ZNF215: variants seen among roughly 807,000 people sequenced by gnomAD.
The protein encoded by ZNF215 is zinc finger protein 215, also known as BWSCR2-associated zinc finger protein 2.
In ZNF215, 24 loss-of-function variants were observed where a neutral mutation model predicts 27.2. The observed-to-expected ratio is 0.88, with a 90% CI of 0.64 to 1.24. The LOEUF is 1.24. ZNF215 is among the 50% of genes most tolerant of loss of function. The pLI is 0.00. For missense variants in ZNF215, 675 were observed against 605.7 expected (o/e 1.11, Z -1.20); for synonymous variants, 210 against 204.0 (o/e 1.03, Z -0.25).
At chr11:6,968,146 A>G (rs146603849) in intron 5 of ZNF215, among the ~76,000 whole-genome samples, 13,992 of 152,016 alleles carry the variant, frequency 0.092, 699 homozygotes, top group East Asian at 0.15. Flanking sequence ...TGGTCTATAT[A>G]TCTGTTTTGG....
intron 6 of ZNF215, 29 bp from the exon 7 acceptor site, chr11:6,955,661 A>C (rs779818727): frequency 1.3e-6 from 2 of 1,525,464 alleles, no homozygotes. Flanking sequence ...TTTCCCTTCT[A>C]GTTCATGGCA....
chr11:6,950,729 TCTC>T (rs1850021176), intron 6 of ZNF215, among the ~76,000 whole-genome samples: 1 of 150,566 alleles, frequency 6.6e-6, no homozygotes, highest in South Asian at 2.1e-4. Context: ...TTTATTTCCT[TCTC>T]CTGCCTGATT....
At chr11:6,969,972 G>A (rs1200478069) in intron 5 of ZNF215, among the ~76,000 whole-genome samples, 1 of 152,020 alleles carries the variant, frequency 6.6e-6, no homozygotes. Context: ...AGTAGAGATG[G>A]GGTTTCACCA....
At chr11:6,945,989 A>G (rs185632043) in intron 6 of ZNF215, among the ~76,000 whole-genome samples, 27 of 152,080 alleles carry the variant, frequency 1.8e-4, no homozygotes, top group African/African-American at 5.5e-4. Context: ...CTACTCTTCT[A>G]TTATTCCCTG....
chr11:6,984,351 C>T (rs1367199725), exon 6 of ZNF215: 13 of 186,132 alleles, frequency 7.0e-5, no homozygotes, highest in Admixed American at 2.5e-4. Flanking sequence ...TCAAGTGATC[C>T]GCCCACCTCA....
At chr11:6,949,814 A>G (rs1317965325) in intron 6 of ZNF215, among the ~76,000 whole-genome samples, 3 of 152,190 alleles carry the variant, frequency 2.0e-5, no homozygotes, top group Non-Finnish European at 4.4e-5. Flanking sequence ...GCCCACGCCT[A>G]TGTCCTGAAT....
chr11:6,943,689 T>G, intron 6 of ZNF215, 48 bp downstream of exon 6: 1 of 1,417,704 alleles, frequency 7.1e-7, no homozygotes, highest in Non-Finnish European at 9.9e-7. Flanking sequence ...TTCTGTTTCC[T>G]AAACATACAG....
chr11:6,932,485 GCT>G lies in ZNF215; in HGVS notation c.216_217del (p.Cys73SerfsTer29). On this transcript the variant is annotated frameshift_variant, in exon 3 of 7. Coordinates refer to ENST00000278319, the MANE Select transcript of ZNF215 (RefSeq NM_013250.4). LOFTEE classifies it high-confidence loss of function. ...PHEALSQLWE[L>X]CLQWLRPEIH... ...ATGAAGCCCTGAGCCAACTCTGGGA[GCT>G]CTGTCTTCAATGGCTGAGACCAGAG... 1 of 1,614,182 alleles carries G rather than the reference GCT, an allele frequency of 6.2e-7. No homozygotes were observed. The highest frequency in any genetic ancestry group is 1.7e-5 in the Admixed American group (1 of 60,016).
chr11:6,980,078 G>T (rs941278895), intron 5 of ZNF215, among the ~76,000 whole-genome samples: 5 of 152,042 alleles, frequency 3.3e-5, no homozygotes, highest in Non-Finnish European at 7.4e-5. Flanking sequence ...GGTGGTTCAG[G>T]ATCATATTAT....
chr11:6,952,414 G>C (rs964831113), intron 6 of ZNF215, among the ~76,000 whole-genome samples: 1 of 152,078 alleles, frequency 6.6e-6, no homozygotes, highest in African/African-American at 2.4e-5. Flanking sequence ...GAATCTGGGT[G>C]CTCCTGTATT....
Position 6,956,394 on chromosome 11 carries a change from C to A in ZNF215, c.1417C>A (p.Arg473=), listed in dbSNP as rs201971317. 12 of 1,613,990 alleles carry A rather than the reference C, an allele frequency of 7.4e-6. No individual in the cohort carries two copies. Among genetic ancestry groups the A allele is most frequent in the African/African-American group, 4.0e-5 (3 of 74,904 alleles). ...QCVNCGKSFN[R]SSSLIRHQMI... ...TGTTAACTGTGGAAAATCCTTCAAC[C>A]GGAGCTCCTCTCTTATTCGACACCA... The change falls in exon 7 of 7, where the codon CGG becomes AGG. Residue 473 remains arginine (R), a synonymous_variant. Transcript: ENST00000278319.
downstream of ZNF215, among the ~76,000 whole-genome samples, chr11:6,993,473 T>C (rs1851140982): frequency 6.6e-6 from 1 of 152,176 alleles, no homozygotes; most frequent in Admixed American, 6.6e-5. Context: ...TTTAGGTACT[T>C]CCTTCTGCTT....
At chr11:6,972,264 A>AT (rs1275106285) in intron 5 of ZNF215, among the ~76,000 whole-genome samples, 3 of 152,084 alleles carry the variant, frequency 2.0e-5, no homozygotes, top group Non-Finnish European at 2.9e-5. Context: ...AAACTACTCA[A>AT]TTTTTTACAA....
rs767896940 is a variant in ZNF215, at chr11:6,954,346, C to T, written c.713-1344C>T. ...CTGTGCCCTGCCCCCAGAGGTGGAG[C>T]CTACAGAGGCACGAAGGCCTCCTTG... On this transcript the variant is annotated intron_variant, in intron 6 of 6. Coordinates refer to ENST00000278319, the MANE Select transcript of ZNF215 (RefSeq NM_013250.4). Among the ~76,000 whole-genome samples the T allele has an allele frequency of 2.1e-3, 313 of 152,352 alleles. 2 individuals are homozygous for T. Among genetic ancestry groups the T allele is most frequent in the Non-Finnish European group, 2.8e-3 (191 of 68,038 alleles).
intron 6 of ZNF215, among the ~76,000 whole-genome samples, chr11:6,951,570 G>A (rs377092959): frequency 3.3e-5 from 5 of 152,214 alleles, no homozygotes; most frequent in South Asian, 2.1e-4. Flanking sequence ...CTGTGGGATC[G>A]GTGGTGATAT....
At chr11:6,984,639 C>T (rs535338638), downstream of ZNF215, 1 of 152,020 alleles carries the variant, frequency 6.6e-6, no homozygotes, top group Non-Finnish European at 1.5e-5. Flanking sequence ...TGACAATCTG[C>T]CCATGATTTA....
intron 6 of ZNF215, 95 bp downstream of exon 6, chr11:6,943,736 A>T (rs1849717151): frequency 1.0e-6 from 1 of 994,786 alleles, no homozygotes; most frequent in African/African-American, 1.6e-5. Context: ...GTTAGTTGGG[A>T]AGGAGATAGC....
intron 2 of ZNF215, among the ~76,000 whole-genome samples, chr11:6,929,641 A>G (rs1849181091): frequency 6.6e-6 from 1 of 152,230 alleles, no homozygotes. Context: ...GGAAGATCAC[A>G]GAGGCAAAAT....
Position 6,956,561 on chromosome 11 carries a change from T to G in ZNF215, c.*30T>G. On this transcript the variant is annotated 3_prime_UTR_variant, in exon 7 of 7. Transcript: ENST00000278319. ...AGAAAAAATGAAAGATTACCTTCAG[T>G]CAGAATGCAGAACTCATTTAACATC... 6.5e-7 allele frequency: 1 copy of G among 1,530,060 alleles called. No homozygotes were observed. The highest frequency in any genetic ancestry group is 8.7e-7 in the Non-Finnish European group (1 of 1,146,418). 94.8% of individuals were successfully genotyped at this position (1,530,060 alleles called of 1,614,324 possible). A position where few individuals can be genotyped will look rare whatever the true frequency, so the allele number is the denominator to read the frequency against.
Sources: gnomAD v4.1 joint callset for allele counts (sites outside exome capture counted in the v4.1 genomes callset) on GRCh38, gnomAD v4.1.1 for gene constraint, MANE v1.5 for transcripts, NCBI Gene and HGNC (gene_info 2026-07-23, HGNC 2026-07-21) for gene names.